The following TSPAN15 variants were observed in gnomAD, a reference collection of about 807,000 sequenced individuals.
The protein encoded by TSPAN15 is tetraspanin 15.
TSPAN15 carries 20 observed loss-of-function variants against 34.5 expected under a neutral mutation model. That is an observed-to-expected ratio of 0.58 (90% CI 0.41 to 0.84). The LOEUF (loss-of-function observed/expected upper bound fraction) is 0.84, where lower values mean the gene tolerates loss of function less well. Ranked by LOEUF, TSPAN15 falls within the 40% of genes least tolerant of loss-of-function variation. TSPAN15 has a pLI of 0.00. For synonymous variants in TSPAN15, 155 were observed against 153.9 expected (o/e 1.01, Z -0.05); for missense variants, 313 against 386.1 (o/e 0.81, Z 1.59).
At chr10:69,547,625 C>T in the TSPAN15 span, among the ~76,000 whole-genome samples, 1 of 152,156 alleles carries the variant, frequency 6.6e-6, no homozygotes, top group Non-Finnish European at 1.5e-5. Flanking sequence ...GACCCAGAAA[C>T]AGGAAGTAAA....
At chr10:69,535,480 C>T in the TSPAN15 span, among the ~76,000 whole-genome samples, 1,877 of 152,290 alleles carry the variant, frequency 0.012, 35 homozygotes, top group East Asian at 0.037. Flanking sequence ...AGAAGCAATG[C>T]GTTGTCTTAG....
chr10:69,543,141 A>G, the TSPAN15 span, among the ~76,000 whole-genome samples: 10 of 152,278 alleles, frequency 6.6e-5, no homozygotes, highest in African/African-American at 2.2e-4. Context: ...AGATGTCTGA[A>G]TACTAGAAAC....
chr10:69,464,384 G>A (rs1841336315), intron 1 of TSPAN15, among the ~76,000 whole-genome samples: 1 of 152,146 alleles, frequency 6.6e-6, no homozygotes, highest in Admixed American at 6.5e-5. Flanking sequence ...AAGGAGTGGG[G>A]CGAGAACAGA....
the TSPAN15 span, among the ~76,000 whole-genome samples, chr10:69,526,822 G>A: frequency 2.9e-5 from 4 of 137,902 alleles, 2 homozygotes; most frequent in East Asian, 1.1e-3. Context: ...CCAGATTATA[G>A]CAAGCATTGG....
At chr10:69,538,040 A>G in the TSPAN15 span, among the ~76,000 whole-genome samples, 1 of 152,226 alleles carries the variant, frequency 6.6e-6, no homozygotes, top group African/African-American at 2.4e-5. Context: ...CATGTGGTAG[A>G]GAGGAAGCCC....
At chr10:69,521,330 C>T in the TSPAN15 span, among the ~76,000 whole-genome samples, 12 of 146,314 alleles carry the variant, frequency 8.2e-5, 2 homozygotes, top group Non-Finnish European at 1.5e-4. Context: ...GCCAACATGG[C>T]GAAACCCTGT....
chr10:69,538,459 C>A, the TSPAN15 span, among the ~76,000 whole-genome samples: 104 of 152,334 alleles, frequency 6.8e-4, no homozygotes, highest in African/African-American at 2.2e-3. Flanking sequence ...TGGAGCAAGA[C>A]CCCTGGGTGT....
At chr10:69,494,270 C>T (rs1015774142) in intron 3 of TSPAN15, among the ~76,000 whole-genome samples, 23 of 152,184 alleles carry the variant, frequency 1.5e-4, no homozygotes, top group African/African-American at 5.1e-4. Flanking sequence ...ATTTGTTTTC[C>T]ACCAATGACG....
the TSPAN15 span, among the ~76,000 whole-genome samples, chr10:69,521,998 T>C: frequency 6.8e-6 from 1 of 147,920 alleles, no homozygotes. Context: ...TTTGCATTTC[T>C]CTAAGGACTT....
Position 69,506,031 on chromosome 10 carries a change from C to T in TSPAN15, c.619-93C>T. On this transcript the variant is annotated intron_variant, in intron 6 of 7. Transcript: ENST00000373290. This position sits in a 1 kb window ranked among gnomAD's most constrained non-coding sequence, Gnocchi z 4.7. ...ACTGAGGATCACAGCGGTTGAGGGACTAGCCTGGACCTTGTGTACATGGCA... is the reference window on the plus strand; with the variant it reads ...ACTGAGGATCACAGCGGTTGAGGGATTAGCCTGGACCTTGTGTACATGGCA... The T allele has an allele frequency of 9.9e-7, 1 of 1,007,366 alleles. No individual in the cohort carries two copies. Among genetic ancestry groups the T allele is most frequent in the South Asian group, 1.5e-5 (1 of 66,948 alleles). 62.4% of individuals were successfully genotyped at this position (1,007,366 alleles called of 1,614,324 possible).
At chr10:69,544,597 T>C in the TSPAN15 span, among the ~76,000 whole-genome samples, 1 of 152,248 alleles carries the variant, frequency 6.6e-6, no homozygotes, top group South Asian at 2.1e-4. Flanking sequence ...CTTGCTGCCC[T>C]TAACTTTGGT....
chr10:69,485,938 C>T (rs1258344836), intron 3 of TSPAN15, among the ~76,000 whole-genome samples: 1 of 152,170 alleles, frequency 6.6e-6, no homozygotes, highest in Non-Finnish European at 1.5e-5. Flanking sequence ...AGGGTGATGC[C>T]TGGCATCCTG....
intron 1 of TSPAN15, among the ~76,000 whole-genome samples, chr10:69,479,365 A>G (rs1449773529): frequency 4.6e-5 from 7 of 152,250 alleles, no homozygotes; most frequent in Non-Finnish European, 1.0e-4. Context: ...TCCAGGATGC[A>G]GAGGACCTTC....
intron 3 of TSPAN15, among the ~76,000 whole-genome samples, chr10:69,487,073 G>A (rs756638608): frequency 1.3e-5 from 2 of 151,898 alleles, no homozygotes; most frequent in African/African-American, 2.4e-5. Flanking sequence ...GCCAGCCTGC[G>A]GCTTTCCAGG....
chr10:69,540,852 G>A, the TSPAN15 span, among the ~76,000 whole-genome samples: 2 of 151,938 alleles, frequency 1.3e-5, no homozygotes, highest in Non-Finnish European at 2.9e-5. Flanking sequence ...AGAAGGTGAG[G>A]GAGGTCAATG....
At chr10:69,488,275 G>A (rs573348749) in intron 3 of TSPAN15, among the ~76,000 whole-genome samples, 7 of 152,268 alleles carry the variant, frequency 4.6e-5, no homozygotes, top group Admixed American at 1.3e-4. Flanking sequence ...GGCCAGTGGC[G>A]GGGATGGGGG....
chr10:69,463,947 G>T (rs766306859), intron 1 of TSPAN15, among the ~76,000 whole-genome samples: 5 of 152,344 alleles, frequency 3.3e-5, no homozygotes, highest in Admixed American at 2.6e-4. Flanking sequence ...TGACCTGAGT[G>T]TGCCATAAAT....
chr10:69,523,996 C>A, the TSPAN15 span, among the ~76,000 whole-genome samples: 1 of 147,924 alleles, frequency 6.8e-6, no homozygotes, highest in East Asian at 2.5e-4. Flanking sequence ...AAATCTACAA[C>A]TAGATATATA....
chr10:69,513,458 C>A, the TSPAN15 span, among the ~76,000 whole-genome samples: 1 of 152,176 alleles, frequency 6.6e-6, no homozygotes, highest in African/African-American at 2.4e-5. Flanking sequence ...CTTCCCACCT[C>A]AGCCTCCTAA....
Sources: gnomAD v4.1 joint callset for allele counts (sites outside exome capture counted in the v4.1 genomes callset) on GRCh38, gnomAD v4.1.1 for gene constraint, Gnocchi (gnomAD v3.1) non-coding constraint, MANE v1.5 for transcripts, NCBI Gene and HGNC (gene_info 2026-07-23, HGNC 2026-07-21) for gene names.